CCDC142: variants seen among roughly 807,000 people sequenced by gnomAD.
CCDC142 encodes coiled-coil domain containing 142.
CCDC142 carries 67 observed loss-of-function variants against 83.8 expected under a neutral mutation model. That is an observed-to-expected ratio of 0.80 (90% CI 0.66 to 0.98). The LOEUF is 0.98. CCDC142 is among the 50% of genes least tolerant of loss of function. CCDC142 has a pLI of 0.00. For missense variants in CCDC142, 905 were observed against 946.8 expected (o/e 0.96, Z 0.58); for synonymous variants, 421 against 421.2 (o/e 1.00, Z 0.01).
rs1672223373 is a variant in CCDC142, at chr2:74,472,900, C to T, written c.*1646G>A. 1 of 576,212 alleles carries T rather than the reference C, an allele frequency of 1.7e-6. No homozygotes were observed. Among genetic ancestry groups the T allele is most frequent in the African/African-American group, 1.9e-5 (1 of 53,330 alleles). 35.7% of individuals were successfully genotyped at this position (576,212 alleles called of 1,614,324 possible). A position where few individuals can be genotyped will look rare whatever the true frequency, so the allele number is the denominator to read the frequency against. ...GCAAATACAGCCTATCATGAATAGT[C>T]CTCTCATACGACGGTGAAAACCATA... On this transcript the variant is annotated 3_prime_UTR_variant, in exon 9 of 9. Transcript: ENST00000393965.
Position 74,482,779 on chromosome 2 carries a change from C to A in CCDC142, c.59G>T (p.Arg20Met). The change falls in exon 1 of 9, where the codon AGG becomes ATG. Residue 20 changes from arginine to methionine, a missense_variant. Physicochemically the swap from Arg to Met is moderately conservative, Grantham distance 91 (BLOSUM62 -1). Coordinates refer to ENST00000393965, the MANE Select transcript of CCDC142 (RefSeq NM_001365575.2). This position sits in a 1 kb window ranked among gnomAD's most constrained non-coding sequence, Gnocchi z 5.0. ...LPPLVIVPPL[R>M]AQPGGTGEEQ... ...CTCCCCAGTGCCCCCGGGTTGCGCC[C>A]TCAGCGGGGGCACGATAACGAGTGG... The A allele has an allele frequency of 6.2e-7, 1 of 1,600,558 alleles. No individual in the cohort carries two copies. Among genetic ancestry groups the A allele is most frequent in the Non-Finnish European group, 8.5e-7 (1 of 1,179,962 alleles).
Position 74,481,225 on chromosome 2 carries a change from G to A in CCDC142, c.1256C>T (p.Ala419Val). The A allele has an allele frequency of 6.2e-7, 1 of 1,614,076 alleles. No individual in the cohort carries two copies. The highest frequency in any genetic ancestry group is 8.5e-7 in the Non-Finnish European group (1 of 1,180,000). ...CCAGCCCCAGCCCCTCGTCTCACCT[G>A]CAGGCTGGCAGAAAATCCGTCGTAA... ...PRLRRIFCQP[A>V]DPAPVALGLC... is the part of the protein sequence containing the mutation. Residue 419 changes from alanine to valine, a missense_variant and splice_region_variant, in exon 3 of 9, where the codon GCA (alanine) becomes GTA (valine). Physicochemically the swap from Ala to Val is moderately conservative, Grantham distance 64. Coordinates refer to ENST00000393965, the MANE Select transcript of CCDC142 (RefSeq NM_001365575.2).
chr2:74,481,940 C>T lies in CCDC142; in HGVS notation c.898G>A (p.Ala300Thr), dbSNP rs1672489640. 5 of 1,614,120 alleles carry T rather than the reference C, an allele frequency of 3.1e-6. No individual in the cohort carries two copies. Among genetic ancestry groups the T allele is most frequent in the Non-Finnish European group, 4.2e-6 (5 of 1,180,010 alleles). ...AGGGTCCAGTATTGGCTCCACAAGG[C>T]CCCAGCCCCTCCGAGCCCTAGTCCA... ...SCGLGLGGAG[A>T]LWSQYWTLLW... Residue 300 changes from alanine (A) to threonine (T), a missense_variant, in exon 1 of 9, where the codon GCC becomes ACC. By Grantham distance (58) the Ala-to-Thr change is moderately conservative. Around this residue, in one of 3 missense-constraint regions of CCDC142, gnomAD observed 591 missense variants for 571.4 expected, o/e 1.03. Transcript: ENST00000393965.
Position 74,475,681 on chromosome 2 carries a change from T to A in CCDC142, c.1549A>T (p.Lys517Ter). 3 of 1,614,134 alleles carry A rather than the reference T, an allele frequency of 1.9e-6. No individual in the cohort carries two copies. Among genetic ancestry groups the A allele is most frequent in the Non-Finnish European group, 2.5e-6 (3 of 1,180,024 alleles). Residue 517 changes from lysine (K) to a stop codon, truncating the protein, a stop_gained, in exon 6 of 9, where the codon AAA (lysine) becomes TAA (stop). Coordinates refer to ENST00000393965, the MANE Select transcript of CCDC142 (RefSeq NM_001365575.2). LOFTEE classifies it high-confidence loss of function. ...SLSVFSQECH[K>*]QAMQGFKLYM... ...AGCTTGAAACCTTGCATGGCTTGTT[T>A]ATGACATTCTTGAGAAAAGACACTT...
In CCDC142 at chr2:74,475,093, T is replaced by A; in HGVS notation, c.1819A>T (p.Lys607Ter). Residue 607 changes from lysine (K) to a stop codon, truncating the protein, a stop_gained, in exon 8 of 9, where the codon AAA becomes TAA. Transcript: ENST00000393965. LOFTEE classifies it high-confidence loss of function. ...RFSLQGALQL[K>*]QDFGVVRELL... ...TCCCTGACCACTCCAAAGTCTTGTT[T>A]GAGCTGCAGCGCTCCCTGCAGGCTG... 3 of 1,611,770 alleles carry A rather than the reference T, an allele frequency of 1.9e-6. No homozygotes were observed. The highest frequency in any genetic ancestry group is 2.5e-6 in the Non-Finnish European group (3 of 1,178,670).
intron 6 of CCDC142, 42 bp downstream of exon 6, chr2:74,475,570 C>A: frequency 6.5e-7 from 1 of 1,549,138 alleles, no homozygotes; most frequent in Non-Finnish European, 8.9e-7. Context: ...ACACTATTAC[C>A]CCCTTGGAAC....
At position 74,482,549 on chromosome 2, in the gene CCDC142, G is replaced by A. The variant is rs762485854; in HGVS notation, c.289C>T (p.Arg97Trp). The A allele has an allele frequency of 3.1e-6, 5 of 1,597,612 alleles. No individual in the cohort carries two copies. In the South Asian group the frequency reaches 5.6e-5, roughly 18 times the overall value. ...ALQRLRAVLLRLHREREQLLQ... is the reference protein window; with the variant it reads ...ALQRLRAVLLWLHREREQLLQ... ...AGCTGCTCCCGCTCGCGATGCAGCC[G>A]CAGCAACACCGCCCGGAGACGCTGC... The change falls in exon 1 of 9, where the codon CGG becomes TGG. Residue 97 changes from arginine (R) to tryptophan (W), a missense_variant. By Grantham distance (101) the Arg-to-Trp change is moderately radical. Coordinates refer to ENST00000393965, the MANE Select transcript of CCDC142 (RefSeq NM_001365575.2). The surrounding 1 kb of genome is among the most constrained non-coding windows in gnomAD (Gnocchi z 5.0).
intron 3 of CCDC142, 56 bp downstream of exon 3, chr2:74,481,167 A>T: frequency 6.2e-7 from 1 of 1,611,726 alleles, no homozygotes; most frequent in Non-Finnish European, 8.5e-7. Context: ...AACAGAGTGA[A>T]AGAAAAGAGA....
intron 6 of CCDC142, 40 bp downstream of exon 6, chr2:74,475,572 C>A (rs767701828): frequency 6.4e-7 from 1 of 1,558,798 alleles, no homozygotes; most frequent in Non-Finnish European, 8.8e-7. Flanking sequence ...ACTATTACCC[C>A]CTTGGAACTC....
chr2:74,481,311 G>C lies in CCDC142; in HGVS notation c.1170C>G (p.Gly390=), dbSNP rs959477706. Residue 390 remains glycine, a synonymous_variant, in exon 3 of 9, where the codon GGC becomes GGG. Coordinates refer to ENST00000393965, the MANE Select transcript of CCDC142 (RefSeq NM_001365575.2). Reference sequence around the variant, plus strand: ...AGAGCTGCTGCAAAAGTTCAGCAGTGCCAGAGGATGTGGGAAGGCTGCTCT... The same window carrying C: ...AGAGCTGCTGCAAAAGTTCAGCAGTCCCAGAGGATGTGGGAAGGCTGCTCT... ...GGQSSLPTSS[G]TAELLQQLFP... is the part of the protein sequence containing the mutation. 3.1e-6 allele frequency: 5 copies of C among 1,614,014 alleles called. No homozygotes were observed. The highest frequency in any genetic ancestry group is 4.2e-6 in the Non-Finnish European group (5 of 1,180,034).
In CCDC142 at chr2:74,481,533, G is replaced by C; in HGVS notation, c.1027C>G (p.Leu343Val). 1 of 1,614,090 alleles carries C rather than the reference G, an allele frequency of 6.2e-7. No homozygotes were observed. Among genetic ancestry groups the C allele is most frequent in the Non-Finnish European group, 8.5e-7 (1 of 1,179,966 alleles). ...QLSQALGQAS[L>V]PQECEKELAS... ...AGCTCCTTCTCACACTCCTGAGGCAGGGATGCTAGTGGGAGAAATGACTCT... is the reference window on the plus strand; with the variant it reads ...AGCTCCTTCTCACACTCCTGAGGCACGGATGCTAGTGGGAGAAATGACTCT... The change falls in exon 2 of 9, where the codon CTG becomes GTG. Residue 343 changes from leucine to valine, a missense_variant. Around this residue, in one of 3 missense-constraint regions of CCDC142, gnomAD observed 591 missense variants for 571.4 expected, o/e 1.03. Transcript: ENST00000393965.
chr2:74,482,163 C>A lies in CCDC142; in HGVS notation c.675G>T (p.Gly225=). ...LQRKALSHVP[G]AARPFPTSRV... ...GGGACGTGGGGAAAGGACGTGCGGCCCCTGGGACGTGGCTCAAGGCTTTTC... is the reference window on the plus strand; with the variant it reads ...GGGACGTGGGGAAAGGACGTGCGGCACCTGGGACGTGGCTCAAGGCTTTTC... The change falls in exon 1 of 9, where the codon GGG becomes GGT. Residue 225 remains glycine (G), a synonymous_variant. Transcript: ENST00000393965. This position sits in a 1 kb window ranked among gnomAD's most constrained non-coding sequence, Gnocchi z 5.0. 6.2e-7 allele frequency: 1 copy of A among 1,613,728 alleles called. No individual in the cohort carries two copies. Among genetic ancestry groups the A allele is most frequent in the Non-Finnish European group, 8.5e-7 (1 of 1,179,940 alleles).
rs139465854 is a variant in CCDC142, at chr2:74,473,087, G to A, written c.*1459C>T. Reference sequence around the variant, plus strand: ...CAAGCCGGGATGATCCACACCAGAAGGTAAACACCATTCAGGTAACTGAAG... The same window carrying A: ...CAAGCCGGGATGATCCACACCAGAAAGTAAACACCATTCAGGTAACTGAAG... On this transcript the variant is annotated 3_prime_UTR_variant, in exon 9 of 9. Coordinates refer to ENST00000393965, the MANE Select transcript of CCDC142 (RefSeq NM_001365575.2). 322 of 254,846 alleles carry A rather than the reference G, an allele frequency of 1.3e-3. 1 individual carries two copies. The highest frequency in any genetic ancestry group is 7.1e-3 in the African/African-American group (310 of 43,416). The allele number at this position is 254,846 out of a possible 1,614,324, so 15.8% of individuals were successfully genotyped here. A position where few individuals can be genotyped will look rare whatever the true frequency, so the allele number is the denominator to read the frequency against.
In CCDC142 at chr2:74,474,154, G is replaced by C. The variant is rs1672256499; in HGVS notation, c.*392C>G. 6.7e-6 allele frequency: 1 copy of C among 149,446 alleles called. No homozygotes were observed. The highest frequency in any genetic ancestry group is 1.4e-5 in the Non-Finnish European group (1 of 70,002). 9.3% of individuals were successfully genotyped at this position (149,446 alleles called of 1,614,324 possible). ...GCTGGAGTGCTGTGGCTGGATCTCA[G>C]CTCACTGCAAGCTCCGCCTCCCAGG... On this transcript the variant is annotated 3_prime_UTR_variant, in exon 9 of 9. Transcript: ENST00000393965.
rs1385811221 is a variant in CCDC142 at position 74,481,524 on chromosome 2, C to G, written c.1036G>C (p.Glu346Gln). ...QALGQASLPQECEKELASLCH... is the reference protein window; with the variant it reads ...QALGQASLPQQCEKELASLCH... ...AAAGATGCCAGCTCCTTCTCACACT[C>G]CTGAGGCAGGGATGCTAGTGGGAGA... Residue 346 changes from glutamate to glutamine, a missense_variant, in exon 2 of 9, where the codon GAG (glutamate) becomes CAG (glutamine). By Grantham distance (29) the Glu-to-Gln change is conservative (BLOSUM62 2). Transcript: ENST00000393965. 6.2e-7 allele frequency: 1 copy of G among 1,614,164 alleles called. No individual in the cohort carries two copies. The highest frequency in any genetic ancestry group is 1.7e-5 in the Admixed American group (1 of 60,008).
chr2:74,478,108 C>G (rs141919384), intron 5 of CCDC142, among the ~76,000 whole-genome samples: 3,595 of 148,468 alleles, frequency 0.024, 53 homozygotes, highest in Non-Finnish European at 0.032. Flanking sequence ...GTTGCCCAGG[C>G]TGGAATGCAA....
Position 74,482,210 on chromosome 2 carries a change from G to C in CCDC142, c.628C>G (p.Pro210Ala), listed in dbSNP as rs760401201. ...SQLAELLFAL[P>A]AYHTLQRKAL... ...TTTCTCTGTAGTGTGTGGTAGGCGG[G>C]AAGTGCAAAGAGCAGCTCGGCGAGT... Residue 210 changes from proline to alanine, a missense_variant, in exon 1 of 9, where the codon CCC becomes GCC. Around this residue, in one of 3 missense-constraint regions of CCDC142, gnomAD observed 591 missense variants for 571.4 expected, o/e 1.03. Transcript: ENST00000393965. This position sits in a 1 kb window ranked among gnomAD's most constrained non-coding sequence, Gnocchi z 5.0. 6.2e-7 allele frequency: 1 copy of C among 1,613,602 alleles called. No homozygotes were observed. Among genetic ancestry groups the C allele is most frequent in the South Asian group, 1.1e-5 (1 of 90,890 alleles).
chr2:74,481,250 A>G lies in CCDC142; in HGVS notation c.1231T>C (p.Leu411=). 1 of 1,614,078 alleles carries G rather than the reference A, an allele frequency of 6.2e-7. No homozygotes were observed. The highest frequency in any genetic ancestry group is 8.5e-7 in the Non-Finnish European group (1 of 1,180,012). ...PLLDALREPR[L]RRIFCQPADP... is the part of the protein sequence containing the mutation. ...GCAGGCTGGCAGAAAATCCGTCGTA[A>G]CCTGGGCTCTCGAAGGGCATCCAAG... Residue 411 remains leucine, a synonymous_variant, in exon 3 of 9, where the codon TTA becomes CTA. Transcript: ENST00000393965.
At position 74,482,324 on chromosome 2, in the gene CCDC142, C is replaced by T. The variant is rs1672531731; in HGVS notation, c.514G>A (p.Gly172Arg). ...LEPLLLARPI[G>R]LAAQCLEAVI... ...GCCTCCAGGCACTGGGCGGCTAGTCCGATGGGGCGCGCTAGCAGCAGCGGC... is the reference window on the plus strand; with the variant it reads ...GCCTCCAGGCACTGGGCGGCTAGTCTGATGGGGCGCGCTAGCAGCAGCGGC... The change falls in exon 1 of 9, where the codon GGA (glycine) becomes AGA (arginine). Residue 172 changes from glycine (G) to arginine (R), a missense_variant. Transcript: ENST00000393965. The surrounding 1 kb of genome is among the most constrained non-coding windows in gnomAD (Gnocchi z 5.0). The T allele has an allele frequency of 6.2e-7, 1 of 1,607,814 alleles. No individual in the cohort carries two copies.
Sources: allele counts gnomAD v4.1 joint callset (sites outside exome capture counted in the v4.1 genomes callset), GRCh38; gene constraint gnomAD v4.1.1; regional missense constraint gnomAD v4.1.1; non-coding constraint Gnocchi (gnomAD v3.1); transcripts MANE v1.5; gene names NCBI Gene and HGNC (gene_info 2026-07-23, HGNC 2026-07-21).